Variants in PPARGC1A observed in about 807,000 individuals in gnomAD.
PPARGC1A encodes PPARG coactivator 1 alpha.
Under a neutral mutation model 88.7 loss-of-function variants are expected in PPARGC1A, and 25 were observed. That is an observed-to-expected ratio of 0.28 (90% CI 0.21 to 0.39). PPARGC1A has a LOEUF of 0.39. Among genes scored for constraint, PPARGC1A ranks in the 10% least tolerant of loss-of-function variants. The pLI is 1.00. For missense variants in PPARGC1A, 880 were observed against 968.7 expected, an observed-to-expected ratio of 0.91 and a Z score of 1.22; for synonymous variants, 363 against 355.6, an observed-to-expected ratio of 1.02 and a Z score of -0.24.
At chr4:23,940,027 C>T in the PPARGC1A span, among the ~76,000 whole-genome samples, 3 of 152,314 alleles carry the variant, frequency 2.0e-5, no homozygotes, top group Middle Eastern at 3.4e-3. Flanking sequence ...CATCCTTCAA[C>T]GTTCCTGGAA....
the PPARGC1A span, among the ~76,000 whole-genome samples, chr4:24,387,914 G>A: frequency 1.0e-4 from 1 of 9,690 alleles, no homozygotes; most frequent in African/African-American, 1.2e-4. Context: ...GAGAAAGAAA[G>A]AAAGAAAGAA....
At chr4:24,347,079 G>T in the PPARGC1A span, among the ~76,000 whole-genome samples, 41 of 152,220 alleles carry the variant, frequency 2.7e-4, 4 homozygotes, top group East Asian at 2.9e-3. Flanking sequence ...GGTTTTGAAG[G>T]TTCCTTTTGG....
the PPARGC1A span, among the ~76,000 whole-genome samples, chr4:24,045,651 T>C: frequency 6.6e-6 from 1 of 152,238 alleles, no homozygotes; most frequent in African/African-American, 2.4e-5. Context: ...AATTTCTCTC[T>C]TCTTATACAG....
the PPARGC1A span, among the ~76,000 whole-genome samples, chr4:24,007,128 G>A: frequency 6.6e-6 from 1 of 152,082 alleles, no homozygotes; most frequent in African/African-American, 2.4e-5. Flanking sequence ...TGGAGTCTTA[G>A]AGTTAATGAA....
the PPARGC1A span, among the ~76,000 whole-genome samples, chr4:24,318,763 A>G: frequency 6.6e-6 from 1 of 152,222 alleles, no homozygotes; most frequent in Non-Finnish European, 1.5e-5. Context: ...CCAACGATGT[A>G]TAATTTGGGG....
the PPARGC1A span, among the ~76,000 whole-genome samples, chr4:23,928,334 G>A: frequency 1.3e-5 from 2 of 152,008 alleles, no homozygotes; most frequent in Admixed American, 1.3e-4. Context: ...AGGGTACCTG[G>A]CACAAAATAA....
the PPARGC1A span, among the ~76,000 whole-genome samples, chr4:24,011,890 A>G: frequency 6.6e-6 from 1 of 152,238 alleles, no homozygotes; most frequent in Admixed American, 6.5e-5. Flanking sequence ...CTGCCAACTT[A>G]TCATATGAAC....
At chr4:24,154,506 A>G in the PPARGC1A span, among the ~76,000 whole-genome samples, 2 of 152,342 alleles carry the variant, frequency 1.3e-5, no homozygotes, top group East Asian at 1.9e-4. Flanking sequence ...TGTGTAAGCC[A>G]TGGTAGTCTG....
At chr4:24,326,075 CCT>C in the PPARGC1A span, among the ~76,000 whole-genome samples, 1 of 152,246 alleles carries the variant, frequency 6.6e-6, no homozygotes, top group South Asian at 2.1e-4. Context: ...TTTGCATCCT[CCT>C]CTTGTATTCT....
At chr4:24,405,815 T>A in the PPARGC1A span, among the ~76,000 whole-genome samples, 2 of 152,178 alleles carry the variant, frequency 1.3e-5, no homozygotes, top group Non-Finnish European at 2.9e-5. Context: ...GTCTTAGGGT[T>A]ATTATAAGGC....
chr4:24,284,761 G>A, the PPARGC1A span, among the ~76,000 whole-genome samples: 1 of 152,222 alleles, frequency 6.6e-6, no homozygotes, highest in African/African-American at 2.4e-5. Context: ...GGGCACGGTG[G>A]CTCACGCCTG....
chr4:24,359,306 A>G, the PPARGC1A span, among the ~76,000 whole-genome samples: 1 of 152,200 alleles, frequency 6.6e-6, no homozygotes. Context: ...ACTTCTCTTC[A>G]GAACATACAC....
chr4:24,290,766 A>C, the PPARGC1A span, among the ~76,000 whole-genome samples: 2 of 152,054 alleles, frequency 1.3e-5, no homozygotes, highest in Non-Finnish European at 2.9e-5. Flanking sequence ...TCAGTTAGTG[A>C]CTCAGTGCTG....
At chr4:24,164,899 G>T in the PPARGC1A span, among the ~76,000 whole-genome samples, 1 of 152,134 alleles carries the variant, frequency 6.6e-6, no homozygotes, top group African/African-American at 2.4e-5. Flanking sequence ...GTCTCAATGT[G>T]ACATTTTGCA....
the PPARGC1A span, among the ~76,000 whole-genome samples, chr4:24,414,056 G>C: frequency 6.6e-6 from 1 of 152,154 alleles, no homozygotes; most frequent in South Asian, 2.1e-4. Context: ...AAACCACCAT[G>C]AGACACTGTC....
the PPARGC1A span, among the ~76,000 whole-genome samples, chr4:24,090,164 C>T: frequency 1.3e-5 from 2 of 152,054 alleles, no homozygotes; most frequent in East Asian, 1.9e-4. Context: ...AACATGCAAA[C>T]GAAAGACAAA....
the PPARGC1A span, among the ~76,000 whole-genome samples, chr4:23,949,847 A>G: frequency 1.3e-5 from 2 of 152,164 alleles, no homozygotes; most frequent in Non-Finnish European, 2.9e-5. Context: ...ATTCAAATGC[A>G]TATTTTTCAC....
At chr4:23,936,764 G>A in the PPARGC1A span, among the ~76,000 whole-genome samples, 2 of 152,044 alleles carry the variant, frequency 1.3e-5, no homozygotes, top group Non-Finnish European at 2.9e-5. Context: ...CCAGCTACTC[G>A]GGAGGCTGAG....
At chr4:23,896,199 G>A (rs375485585) in intron 1 of PPARGC1A, among the ~76,000 whole-genome samples, 12 of 151,920 alleles carry the variant, frequency 7.9e-5, no homozygotes, top group South Asian at 4.2e-4. Context: ...AGTGGCTGAC[G>A]ACGTTATAAG....
Sources: allele counts gnomAD v4.1 joint callset (sites outside exome capture counted in the v4.1 genomes callset), GRCh38; gene constraint gnomAD v4.1.1; transcripts MANE v1.5; gene names NCBI Gene and HGNC (gene_info 2026-07-23, HGNC 2026-07-21).